The following CAPN2 variants were observed in gnomAD, a reference collection of about 807,000 sequenced individuals.
The protein encoded by CAPN2 is calpain 2.
In CAPN2, 92 loss-of-function variants were observed where a neutral mutation model predicts 102.3. The ratio of observed to expected loss-of-function variants is 0.90; its 90% CI spans 0.76 to 1.07. The LOEUF (loss-of-function observed/expected upper bound fraction) is 1.07. Among genes scored for constraint, CAPN2 ranks in the 50% least tolerant of loss-of-function variants. The pLI is 0.00. For synonymous variants in CAPN2, 340 were observed against 355.4 expected (o/e 0.96, Z 0.49); for missense variants, 800 against 909.4 (o/e 0.88, Z 1.55).
At chr1:223,752,758 T>G (rs1207970893) in intron 8 of CAPN2, 38 bp from the exon 9 acceptor site, 2 of 1,610,004 alleles carry the variant, frequency 1.2e-6, no homozygotes, top group African/African-American at 2.7e-5. Context: ...CCAGTGTGTC[T>G]TCTTATCACC....
Position 223,769,340 on chromosome 1 carries a change from C to T in CAPN2, c.1756-501C>T, listed in dbSNP as rs530038017. 5.9e-5 allele frequency among the ~76,000 whole-genome samples: 9 copies of T among 152,146 alleles called. No individual in the cohort carries two copies. The South Asian group carries it at 1.0e-3, about 18-fold the overall frequency. ...TTCACCGTGTTGGCCAGGCTGGTGT[C>T]GAATTCCTGACCACAGGTGATCTGC... On this transcript the variant is annotated intron_variant, in intron 16 of 20. Coordinates refer to ENST00000295006, the MANE Select transcript of CAPN2 (RefSeq NM_001748.5).
intron 16 of CAPN2, among the ~76,000 whole-genome samples, chr1:223,768,927 G>A (rs999108509): frequency 6.6e-6 from 1 of 152,042 alleles, no homozygotes; most frequent in Non-Finnish European, 1.5e-5. Context: ...GGATAAGATC[G>A]TCTTCTTGAT....
intron 6 of CAPN2, among the ~76,000 whole-genome samples, chr1:223,749,988 C>T (rs1004242353): frequency 6.6e-5 from 10 of 151,970 alleles, no homozygotes; most frequent in African/African-American, 2.2e-4. Context: ...CCAGCCTCAG[C>T]GACAAAGTAA....
intron 2 of CAPN2, among the ~76,000 whole-genome samples, chr1:223,737,919 G>A (rs1284955349): frequency 1.3e-5 from 2 of 151,968 alleles, no homozygotes; most frequent in Non-Finnish European, 2.9e-5. Flanking sequence ...ATCTCACTGT[G>A]CCCCCAGGGG....
intron 2 of CAPN2, among the ~76,000 whole-genome samples, chr1:223,735,887 C>T (rs969400676): frequency 1.3e-5 from 2 of 152,040 alleles, no homozygotes; most frequent in African/African-American, 4.8e-5. Context: ...TCAAGTGATT[C>T]TCCTGCCTCA....
At chr1:223,740,031 A>G (rs1660573266) in intron 2 of CAPN2, among the ~76,000 whole-genome samples, 1 of 152,206 alleles carries the variant, frequency 6.6e-6, no homozygotes, top group Non-Finnish European at 1.5e-5. Flanking sequence ...AAGAGTTTTC[A>G]TAAATTATTT....
chr1:223,770,554 CTAGTT>C lies in CAPN2; in HGVS notation c.1903+32_1903+36del, dbSNP rs775101288. On this transcript the variant is annotated intron_variant, in intron 18 of 20. Coordinates refer to ENST00000295006, the MANE Select transcript of CAPN2 (RefSeq NM_001748.5). ...ACCCTTTATAACTGCATTTTCGTTC[CTAGTT>C]TAATCTGTCTGTAGAATATGTGAAC... 869 of 1,403,108 alleles carry C rather than the reference CTAGTT, an allele frequency of 6.2e-4. 1 individual carries two copies. The highest frequency in any genetic ancestry group is 7.9e-4 in the Non-Finnish European group (781 of 988,736). 86.9% of individuals were successfully genotyped at this position (1,403,108 alleles called of 1,614,324 possible).
At chr1:223,747,481 C>A (rs1022350704) in intron 5 of CAPN2, among the ~76,000 whole-genome samples, 1 of 151,978 alleles carries the variant, frequency 6.6e-6, no homozygotes, top group Non-Finnish European at 1.5e-5. Flanking sequence ...TGGGGAGGTG[C>A]GGATGATTTT....
rs536515479 is a variant in CAPN2 at position 223,734,299 on chromosome 1, T to A, written c.308-9801T>A. On this transcript the variant is annotated intron_variant, in intron 2 of 20. Coordinates refer to ENST00000295006, the MANE Select transcript of CAPN2 (RefSeq NM_001748.5). ...TTTTAAAAAATGTACTTTCTTTTTT[T>A]AAAAAGAGTTGGGTCTTGCCTTGTC... 4.6e-5 allele frequency among the ~76,000 whole-genome samples: 7 copies of A among 152,254 alleles called. No individual in the cohort carries two copies. The South Asian group carries it at 1.0e-3, about 23-fold the overall frequency.
intron 7 of CAPN2, among the ~76,000 whole-genome samples, chr1:223,751,621 A>AGATGCCAAG (rs751500334): frequency 0.012 from 1,832 of 152,122 alleles, 38 homozygotes; most frequent in African/African-American, 0.042. Context: ...CCCAGGCCTC[A>AGATGCCAAG]GCCGGAGGCT....
intron 2 of CAPN2, among the ~76,000 whole-genome samples, chr1:223,728,169 C>T (rs1288258680): frequency 6.6e-6 from 1 of 152,138 alleles, no homozygotes; most frequent in Admixed American, 6.5e-5. Context: ...GCTTGAAACA[C>T]AAGGCATTTT....
At chr1:223,762,141 A>T in intron 13 of CAPN2, 45 bp from the exon 14 acceptor site, 1 of 1,546,456 alleles carries the variant, frequency 6.5e-7, no homozygotes, top group Non-Finnish European at 8.9e-7. Context: ...ACTTGGTGTC[A>T]TGCCTCGCTC....
rs1661121845 is a variant in CAPN2, at chr1:223,759,254, T to C, written c.1318-16T>C. 2 of 1,610,000 alleles carry C rather than the reference T, an allele frequency of 1.2e-6. No individual in the cohort carries two copies. Among genetic ancestry groups the C allele is most frequent in the Non-Finnish European group, 1.7e-6 (2 of 1,176,304 alleles). ...TTCCCCTCATCTACCCCCATGTTTCTCTATTTATTCCTCAGTTAAGTGGGC... is the reference window on the plus strand; with the variant it reads ...TTCCCCTCATCTACCCCCATGTTTCCCTATTTATTCCTCAGTTAAGTGGGC... On this transcript the variant is annotated splice_polypyrimidine_tract_variant and intron_variant, in intron 11 of 20. Coordinates refer to ENST00000295006, the MANE Select transcript of CAPN2 (RefSeq NM_001748.5). The surrounding 1 kb of genome is among the most constrained non-coding windows in gnomAD (Gnocchi z 4.6).
upstream of CAPN2, among the ~76,000 whole-genome samples, chr1:223,710,869 T>C (rs1043230846): frequency 1.8e-4 from 20 of 112,292 alleles, 1 homozygote; most frequent in African/African-American, 6.2e-4. Flanking sequence ...ACCAAACCAA[T>C]GTATTTCTTA....
chr1:223,707,928 A>G (rs1659646464), upstream of CAPN2, among the ~76,000 whole-genome samples: 1 of 152,164 alleles, frequency 6.6e-6, no homozygotes, highest in Admixed American at 6.5e-5. Flanking sequence ...GTGGGAGGAG[A>G]AGCCTGCGCT....
In CAPN2 at chr1:223,756,675, C is replaced by A. The variant is rs199564034; in HGVS notation, c.1306-694C>A. On this transcript the variant is annotated intron_variant, in intron 10 of 20. Coordinates refer to ENST00000295006, the MANE Select transcript of CAPN2 (RefSeq NM_001748.5). The surrounding 1 kb of genome is among the most constrained non-coding windows in gnomAD (Gnocchi z 4.1). ...CATGGAACACTGACTTCTACCTGCT[C>A]ACCCACCTGAGAAAGGCAGCTGGGC... is the stretch of plus-strand genomic sequence containing the variant. Among the ~76,000 whole-genome samples the A allele has an allele frequency of 4.9e-4, 75 of 152,204 alleles. No individual in the cohort carries two copies. Among genetic ancestry groups the A allele is most frequent in the Non-Finnish European group, 4.6e-4 (31 of 68,030 alleles).
intron 1 of CAPN2, 63 bp downstream of exon 1, chr1:223,712,940 G>C: frequency 8.4e-7 from 1 of 1,194,266 alleles, no homozygotes; most frequent in East Asian, 3.3e-5. Flanking sequence ...GTGCAGGCCG[G>C]CCCGCGGCGC....
upstream of CAPN2, among the ~76,000 whole-genome samples, chr1:223,709,995 G>A (rs149101018): frequency 1.8e-3 from 276 of 152,084 alleles, 5 homozygotes; most frequent in Non-Finnish European, 3.7e-4. Context: ...AATGAAAGGG[G>A]CTCGTGTGGT....
In CAPN2 at chr1:223,774,748, T is replaced by G. The variant is rs974196946; in HGVS notation, c.2080-86T>G. 8.8e-6 allele frequency: 11 copies of G among 1,243,794 alleles called. No homozygotes were observed. In the African/African-American group the frequency reaches 1.6e-4, roughly 19 times the overall value. 77.0% of individuals were successfully genotyped at this position (1,243,794 alleles called of 1,614,324 possible). ...CCTCAATCAGCTTTTCCAGTACAAG[T>G]TTTTTGGAACAATCTACAGGTACTT... On this transcript the variant is annotated intron_variant, in intron 20 of 20. Transcript: ENST00000295006.
Sources: allele counts gnomAD v4.1 joint callset (sites outside exome capture counted in the v4.1 genomes callset), GRCh38; gene constraint gnomAD v4.1.1; non-coding constraint Gnocchi (gnomAD v3.1); transcripts MANE v1.5; gene names NCBI Gene and HGNC (gene_info 2026-07-23, HGNC 2026-07-21).